Variants in MAML3 observed in about 807,000 individuals in gnomAD.
MAML3 encodes the protein mastermind-like protein 3.
A neutral mutation model predicts 101.9 loss-of-function variants in MAML3; 27 were observed. The observed-to-expected ratio is 0.27, with a 90% CI of 0.20 to 0.37. The LOEUF (loss-of-function observed/expected upper bound fraction) is 0.37, where lower values mean the gene tolerates loss of function less well. MAML3 is among the 10% of genes least tolerant of loss of function. MAML3 has a pLI of 1.00. For missense variants in MAML3, 1,316 were observed against 1,444.9 expected (o/e 0.91, Z 1.45); for synonymous variants, 501 against 555.9 (o/e 0.90, Z 1.39).
chr4:139,804,034 C>A (rs1399406376), intron 2 of MAML3, among the ~76,000 whole-genome samples: 1 of 152,170 alleles, frequency 6.6e-6, no homozygotes, highest in Admixed American at 6.5e-5. Flanking sequence ...GATCGGCAGA[C>A]CCAACTTCCT....
At chr4:139,847,545 T>C (rs564831847) in intron 2 of MAML3, among the ~76,000 whole-genome samples, 11 of 152,320 alleles carry the variant, frequency 7.2e-5, no homozygotes, top group African/African-American at 2.2e-4. Context: ...CTTTTAAATA[T>C]GATTTAGAGA....
rs1240106348 is a variant in MAML3 at position 139,730,399 on chromosome 4, G to A, written c.2331+17C>T. The stretch of plus-strand genomic sequence containing the variant: ...CTTGCTGAATGAATGAATGAATCAC[G>A]CCAAGGGGCATGTTACCTGTTCCGC... On this transcript the variant is annotated intron_variant, in intron 3 of 4. Transcript: ENST00000509479. 11 of 1,545,946 alleles carry A rather than the reference G, an allele frequency of 7.1e-6. No homozygotes were observed. Among genetic ancestry groups the A allele is most frequent in the Non-Finnish European group, 8.7e-6 (10 of 1,145,090 alleles).
chr4:139,894,901 G>A (rs1662972341), intron 1 of MAML3, among the ~76,000 whole-genome samples: 1 of 152,230 alleles, frequency 6.6e-6, no homozygotes, highest in South Asian at 2.1e-4. Context: ...TAAAGGAAAT[G>A]AAGGTTAGGG....
intron 1 of MAML3, among the ~76,000 whole-genome samples, chr4:140,140,527 A>G (rs1027045211): frequency 6.6e-5 from 10 of 152,260 alleles, no homozygotes; most frequent in Admixed American, 6.5e-4. Context: ...GTGAGCACAT[A>G]GCTGCATTAA....
intron 2 of MAML3, among the ~76,000 whole-genome samples, chr4:139,799,496 C>CTT (rs1419931252): frequency 2.0e-5 from 3 of 152,132 alleles, no homozygotes; most frequent in Non-Finnish European, 2.9e-5. Flanking sequence ...TAGATAGATA[C>CTT]TTTAAACCCT....
At chr4:140,039,944 G>T (rs969588857) in intron 1 of MAML3, among the ~76,000 whole-genome samples, 5 of 152,128 alleles carry the variant, frequency 3.3e-5, no homozygotes, top group African/African-American at 1.2e-4. Context: ...CTGCTGGAGC[G>T]GGCAAACAAC....
intron 2 of MAML3, among the ~76,000 whole-genome samples, chr4:139,744,111 T>C (rs1405904988): frequency 6.6e-6 from 1 of 152,192 alleles, no homozygotes; most frequent in Non-Finnish European, 1.5e-5. Context: ...GGTAGGAACC[T>C]AGAGAGGTCT....
intron 1 of MAML3, among the ~76,000 whole-genome samples, chr4:140,107,063 G>A (rs545408763): frequency 1.3e-5 from 2 of 152,170 alleles, no homozygotes; most frequent in Admixed American, 6.5e-5. Context: ...TAGAGACAGG[G>A]TTTCACCATG....
chr4:139,734,090 C>T (rs1728831738), intron 2 of MAML3, among the ~76,000 whole-genome samples: 1 of 152,212 alleles, frequency 6.6e-6, no homozygotes, highest in African/African-American at 2.4e-5. Context: ...CACCTACAGC[C>T]CCCGACTCTG....
At chr4:139,981,788 G>A (rs1734449326) in intron 1 of MAML3, among the ~76,000 whole-genome samples, 1 of 152,140 alleles carries the variant, frequency 6.6e-6, no homozygotes, top group South Asian at 2.1e-4. Context: ...CTTGTAGAAT[G>A]TCTCAGCTGT....
At chr4:139,891,717 A>T (rs1732504015) in intron 1 of MAML3, among the ~76,000 whole-genome samples, 2 of 152,266 alleles carry the variant, frequency 1.3e-5, no homozygotes, top group South Asian at 2.1e-4. Flanking sequence ...ACTTCTAAGA[A>T]TATGGAATTT....
At chr4:140,036,267 C>T (rs1045895484) in intron 1 of MAML3, among the ~76,000 whole-genome samples, 1 of 152,192 alleles carries the variant, frequency 6.6e-6, no homozygotes, top group Non-Finnish European at 1.5e-5. Flanking sequence ...CGTTGCCTGC[C>T]TCACTGCTTT....
intron 2 of MAML3, among the ~76,000 whole-genome samples, chr4:139,850,915 AAGAG>A (rs1042455204): frequency 4.1e-5 from 6 of 147,338 alleles, no homozygotes; most frequent in Admixed American, 2.7e-4. Context: ...AAAAAAAAAA[AAGAG>A]AGAGAGAGCC....
At chr4:139,936,192 G>A (rs1395049326) in intron 1 of MAML3, among the ~76,000 whole-genome samples, 1 of 151,996 alleles carries the variant, frequency 6.6e-6, no homozygotes, top group Non-Finnish European at 1.5e-5. Context: ...CAAATTGCAG[G>A]ATTTCCTTCT....
chr4:140,121,573 TACTC>T (rs1225204633), intron 1 of MAML3, among the ~76,000 whole-genome samples: 1 of 152,270 alleles, frequency 6.6e-6, no homozygotes. Flanking sequence ...CCTACGCTGA[TACTC>T]AATATGGCAA....
chr4:139,846,134 T>C (rs1731442134), intron 2 of MAML3, among the ~76,000 whole-genome samples: 1 of 152,140 alleles, frequency 6.6e-6, no homozygotes, highest in Non-Finnish European at 1.5e-5. Flanking sequence ...ATAGATCATT[T>C]TATGCCTTAA....
At position 139,890,843 on chromosome 4, in the gene MAML3, G is replaced by A. The variant is rs116651274; in HGVS notation, c.593C>T (p.Ala198Val). 892 of 1,613,898 alleles carry A rather than the reference G, an allele frequency of 5.5e-4. 2 individuals are homozygous for A. The highest frequency in any genetic ancestry group is 3.1e-3 in the Middle Eastern group (19 of 6,062). The change falls in exon 2 of 5, where the codon GCG becomes GTG. Residue 198 changes from alanine to valine, a missense_variant. Ala to Val is a moderately conservative substitution (Grantham distance 64, BLOSUM62 0). Coordinates refer to ENST00000509479, the MANE Select transcript of MAML3 (RefSeq NM_018717.5). This position sits in a 1 kb window ranked among gnomAD's most constrained non-coding sequence, Gnocchi z 4.1. Reference protein sequence around the residue: ...TSKRIRKDISAGMEAINNLPS... With the variant: ...TSKRIRKDISVGMEAINNLPS... ...CAAATTGTTGATGGCTTCCATCCCCGCAGAAATGTCCTTTCGAATTCGTTT... is the reference window on the plus strand; with the variant it reads ...CAAATTGTTGATGGCTTCCATCCCCACAGAAATGTCCTTTCGAATTCGTTT...
rs142768616 is a variant in MAML3, at chr4:140,083,932, GCA to G, written c.468+68926_468+68927del. 1.0e-3 allele frequency among the ~76,000 whole-genome samples: 129 copies of G among 126,014 alleles called. 1 individual carries two copies. Among genetic ancestry groups the G allele is most frequent in the Admixed American group, 3.0e-3 (35 of 11,708 alleles). The allele number at this position is 126,014 out of a possible 152,430, so 82.7% of individuals were successfully genotyped here. On this transcript the variant is annotated intron_variant, in intron 1 of 4. Coordinates refer to ENST00000509479, the MANE Select transcript of MAML3 (RefSeq NM_018717.5). ...ACCCTAGATTGAAACACACACGCGC[GCA>G]CACACACACACACACACACACACAC...
chr4:139,849,132 T>C (rs962159157), intron 2 of MAML3, among the ~76,000 whole-genome samples: 2 of 152,226 alleles, frequency 1.3e-5, no homozygotes, highest in African/African-American at 4.8e-5. Context: ...ATCATCTTTT[T>C]TCAAATGGAT....
Sources: gnomAD v4.1 joint callset for allele counts (sites outside exome capture counted in the v4.1 genomes callset) on GRCh38, gnomAD v4.1.1 for gene constraint, Gnocchi (gnomAD v3.1) non-coding constraint, MANE v1.5 for transcripts, NCBI Gene and HGNC (gene_info 2026-07-23, HGNC 2026-07-21) for gene names.